Variants in PKD1L1 observed in about 807,000 individuals in gnomAD.
PKD1L1 encodes polycystin 1 like 1, transient receptor potential channel interacting.
A neutral mutation model predicts 323.4 loss-of-function variants in PKD1L1; 236 were observed. The ratio of observed to expected loss-of-function variants is 0.73; its 90% CI spans 0.66 to 0.81. The LOEUF is 0.81. Among genes scored for constraint, PKD1L1 ranks in the 40% least tolerant of loss-of-function variants. The pLI is 0.00. For missense variants in PKD1L1, 3,320 were observed against 3,508.0 expected (o/e 0.95, Z 1.35); for synonymous variants, 1,344 against 1,335.0 (o/e 1.01, Z -0.15).
intron 21 of PKD1L1, among the ~76,000 whole-genome samples, chr7:47,879,726 G>A (rs1786492597): frequency 1.4e-5 from 2 of 147,828 alleles, no homozygotes; most frequent in African/African-American, 5.1e-5. Flanking sequence ...AAGGTCAGGA[G>A]ATCGAGACCA....
intron 24 of PKD1L1, among the ~76,000 whole-genome samples, chr7:47,873,149 G>A (rs72601622): frequency 0.065 from 9,875 of 152,090 alleles, 397 homozygotes; most frequent in Non-Finnish European, 0.071. Context: ...GTGGTTGTCC[G>A]GGGCCGGTGG....
At chr7:47,792,602 C>T in intron 56 of PKD1L1, 25 bp downstream of exon 56, 1 of 1,565,256 alleles carries the variant, frequency 6.4e-7, no homozygotes, top group Non-Finnish European at 8.7e-7. Flanking sequence ...AGAAAATTGA[C>T]ATAAATAATT....
At chr7:47,959,725 CG>C in the PKD1L1 span, among the ~76,000 whole-genome samples, 1 of 137,890 alleles carries the variant, frequency 7.3e-6, no homozygotes, top group Admixed American at 7.2e-5. Flanking sequence ...CCCAGCCAGC[CG>C]CCCCGTCCGG....
chr7:47,888,788 T>C (rs1786743828), intron 16 of PKD1L1, among the ~76,000 whole-genome samples: 1 of 152,144 alleles, frequency 6.6e-6, no homozygotes. Flanking sequence ...TCAAGCCCTC[T>C]AGTCTCTTTG....
chr7:47,818,446 T>C (rs577102354), intron 46 of PKD1L1, among the ~76,000 whole-genome samples: 38 of 152,372 alleles, frequency 2.5e-4, no homozygotes, highest in African/African-American at 9.1e-4. Context: ...ATAGACATTA[T>C]AGCCATGTTG....
At chr7:47,809,009 TATG>T (rs1336400945) in intron 51 of PKD1L1, 1 of 152,962 alleles carries the variant, frequency 6.5e-6, no homozygotes, top group African/African-American at 2.4e-5. Flanking sequence ...TTTTTGACTC[TATG>T]ATAACACAGC....
chr7:47,825,333 C>T (rs1191659451), intron 45 of PKD1L1, among the ~76,000 whole-genome samples: 1 of 151,784 alleles, frequency 6.6e-6, no homozygotes, highest in Non-Finnish European at 1.5e-5. Flanking sequence ...AGTTCAAGAC[C>T]AGCCTGACCT....
rs993899680 is a variant in PKD1L1 at position 47,946,171 on chromosome 7, A to G, written c.44+2226T>C. Among the ~76,000 whole-genome samples, 2 of 152,184 alleles carry G rather than the reference A, an allele frequency of 1.3e-5. No homozygotes were observed. The highest frequency in any genetic ancestry group is 2.4e-5 in the African/African-American group (1 of 41,458). ...TAGTTAACTGTGACTGTCGGGGAAC[A>G]GGATGATACTGATGGCTCAAACACA... On this transcript the variant is annotated intron_variant, in intron 1 of 56. Coordinates refer to ENST00000289672, the MANE Select transcript of PKD1L1 (RefSeq NM_138295.5). This position sits in a 1 kb window ranked among gnomAD's most constrained non-coding sequence, Gnocchi z 4.1.
chr7:47,948,373 C>T (rs1165065435), intron 1 of PKD1L1, 24 bp downstream of exon 1: 3 of 1,613,778 alleles, frequency 1.9e-6, no homozygotes, highest in Non-Finnish European at 1.7e-6. Context: ...CTTACCAAAC[C>T]CTCTGAGAAC....
chr7:47,819,463 C>T (rs1013690252), intron 46 of PKD1L1: 3 of 1,128,522 alleles, frequency 2.7e-6, no homozygotes, highest in Middle Eastern at 4.8e-4. Context: ...TTTAGATTTC[C>T]ATTTCCATTG....
rs1785963111 is a variant in PKD1L1 at position 47,858,870 on chromosome 7, C to T, written c.4165G>A (p.Ala1389Thr). 6.2e-7 allele frequency: 1 copy of T among 1,613,438 alleles called. No individual in the cohort carries two copies. Among genetic ancestry groups the T allele is most frequent in the African/African-American group, 1.3e-5 (1 of 74,722 alleles). Residue 1389 changes from alanine to threonine, a missense_variant, in exon 27 of 57, where the codon GCG (alanine) becomes ACG (threonine). Transcript: ENST00000289672. ...SFSNKLGFMS[A>T]VLILKYTRAL... ...CGGGTGTACTTGAGGATGAGAACCG[C>T]ACTCATAAAGCCTAGCTGCATGAAC...
Position 47,873,986 on chromosome 7 carries a change from T to A in PKD1L1, c.3809A>T (p.Asp1270Val). The change falls in exon 24 of 57, where the codon GAT becomes GTT. Residue 1270 changes from aspartate (D) to valine (V), a missense_variant. Coordinates refer to ENST00000289672, the MANE Select transcript of PKD1L1 (RefSeq NM_138295.5). ...CGGCTGGACCTTGGAGCCTTTGCCA[T>A]CTGTGATTTCAGTGGAAACCATGAC... ...YKVMVSTEIT[D>V]GKGSKVQPCT... 1.2e-6 allele frequency: 2 copies of A among 1,612,770 alleles called. No homozygotes were observed. The highest frequency in any genetic ancestry group is 1.3e-5 in the African/African-American group (1 of 75,014).
intron 18 of PKD1L1, among the ~76,000 whole-genome samples, 176 bp from the exon 19 acceptor site, chr7:47,884,833 G>A (rs1786646892): frequency 6.6e-6 from 1 of 152,014 alleles, no homozygotes; most frequent in Non-Finnish European, 1.5e-5. Context: ...ATGACAGCTG[G>A]GCAAGGCAGG....
chr7:47,885,711 G>A lies in PKD1L1; in HGVS notation c.3180C>T (p.Thr1060=), dbSNP rs764821084. Residue 1060 remains threonine (T), a synonymous_variant, in exon 18 of 57, where the codon ACC becomes ACT. Coordinates refer to ENST00000289672, the MANE Select transcript of PKD1L1 (RefSeq NM_138295.5). ...CAGAGAGGTGAGGGTCAGGGCTGTG[G>A]GTGGGCTGACTTCTCTCAGAGCGGC... ...MTGRSERSQP[T]HSPDPHLSDF... The A allele has an allele frequency of 1.2e-6, 2 of 1,613,826 alleles. No individual in the cohort carries two copies. The highest frequency in any genetic ancestry group is 2.2e-5 in the East Asian group (1 of 44,884).
At position 47,915,588 on chromosome 7, in the gene PKD1L1, G is replaced by T; in HGVS notation, c.1072C>A (p.His358Asn). Reference sequence around the variant, plus strand: ...ATATCCAACTGAAAATGTAAAAGATGAAAAAAAATACCTATAAAAGCAAAA... The same window carrying T: ...ATATCCAACTGAAAATGTAAAAGATTAAAAAAAATACCTATAAAAGCAAAA... Reference protein sequence around the residue: ...YHQYSKGIFFHLLHFQLDMST... With the variant: ...YHQYSKGIFFNLLHFQLDMST... The change falls in exon 8 of 57, where the codon CAT becomes AAT. Residue 358 changes from histidine (H) to asparagine (N), a missense_variant. Physicochemically the swap from His to Asn is moderately conservative, Grantham distance 68. Coordinates refer to ENST00000289672, the MANE Select transcript of PKD1L1 (RefSeq NM_138295.5). 5 of 1,493,144 alleles carry T rather than the reference G, an allele frequency of 3.3e-6. No homozygotes were observed. Among genetic ancestry groups the T allele is most frequent in the Non-Finnish European group, 4.5e-6 (5 of 1,099,238 alleles). 92.5% of individuals were successfully genotyped at this position (1,493,144 alleles called of 1,614,324 possible).
At position 47,908,110 on chromosome 7, in the gene PKD1L1, G is replaced by A. The variant is rs375474618; in HGVS notation, c.1369C>T (p.Leu457Phe). The change falls in exon 9 of 57, where the codon CTT (leucine) becomes TTT (phenylalanine). Residue 457 changes from leucine to phenylalanine, a missense_variant. Physicochemically the swap from Leu to Phe is conservative, Grantham distance 22 (BLOSUM62 0). Transcript: ENST00000289672. ...NSSSVHEDEV[L>F]VFADSQVNQK... is the part of the protein sequence containing the mutation. ...TTCACTTGGGAGTCAGCAAAGACAA[G>A]CACTTCATCTTCATGGACACTGCTG... The A allele has an allele frequency of 1.1e-5, 18 of 1,613,976 alleles. No homozygotes were observed. The highest frequency in any genetic ancestry group is 1.4e-5 in the Non-Finnish European group (17 of 1,180,036).
At chr7:47,810,195 A>G (rs931061737) in intron 50 of PKD1L1, among the ~76,000 whole-genome samples, 1 of 152,152 alleles carries the variant, frequency 6.6e-6, no homozygotes, top group Admixed American at 6.5e-5. Context: ...AGTTATGTGC[A>G]TTGTGTCCCA....
At chr7:47,787,744 C>T (rs990759758) in intron 56 of PKD1L1, among the ~76,000 whole-genome samples, 4 of 152,130 alleles carry the variant, frequency 2.6e-5, no homozygotes, top group Non-Finnish European at 4.4e-5. Flanking sequence ...CAGGTTTTCA[C>T]TCTGTTTCCC....
intron 48 of PKD1L1, chr7:47,813,623 A>G (rs1784951452): frequency 1.5e-6 from 1 of 665,602 alleles, no homozygotes; most frequent in East Asian, 3.0e-5. Flanking sequence ...ATATGTGAAT[A>G]TTCTATTTTT....
Sources: gnomAD v4.1 joint callset for allele counts (sites outside exome capture counted in the v4.1 genomes callset) on GRCh38, gnomAD v4.1.1 for gene constraint, Gnocchi (gnomAD v3.1) non-coding constraint, MANE v1.5 for transcripts, NCBI Gene and HGNC (gene_info 2026-07-23, HGNC 2026-07-21) for gene names.